CTNNA3: variants seen among roughly 807,000 people sequenced by gnomAD.
CTNNA3 encodes catenin alpha 3, also known as catenin alpha-3.
In CTNNA3, 76 loss-of-function variants were observed where a neutral mutation model predicts 95.7. The ratio of observed to expected loss-of-function variants is 0.79; its 90% CI spans 0.66 to 0.96. The LOEUF (loss-of-function observed/expected upper bound fraction) is 0.96. Ranked by LOEUF, CTNNA3 falls within the 40% of genes least tolerant of loss-of-function variation. The pLI is 0.00. For missense variants in CTNNA3, 1,191 were observed against 1,089.8 expected (o/e 1.09, Z -1.31); for synonymous variants, 431 against 374.4 (o/e 1.15, Z -1.74).
At chr10:66,537,321 A>C (rs941369589) in intron 10 of CTNNA3, among the ~76,000 whole-genome samples, 1 of 152,158 alleles carries the variant, frequency 6.6e-6, no homozygotes, top group African/African-American at 2.4e-5. Flanking sequence ...GTCAGAGGGC[A>C]TAGAGTTCAC....
intron 7 of CTNNA3, among the ~76,000 whole-genome samples, chr10:66,902,910 AG>A (rs139218326): frequency 0.3 from 44,932 of 152,090 alleles, 7,922 homozygotes; most frequent in East Asian, 0.47. Flanking sequence ...AAAAAAGTCC[AG>A]GACCAGACAG....
At chr10:66,552,255 C>G (rs536359344) in intron 10 of CTNNA3, among the ~76,000 whole-genome samples, 1 of 152,274 alleles carries the variant, frequency 6.6e-6, no homozygotes, top group South Asian at 2.1e-4. Context: ...TTTCCCCTCA[C>G]TCTCCAGCCT....
chr10:67,629,260 A>C (rs1839059507), intron 2 of CTNNA3, among the ~76,000 whole-genome samples: 1 of 152,112 alleles, frequency 6.6e-6, no homozygotes, highest in Non-Finnish European at 1.5e-5. Context: ...CCTTTTCTCA[A>C]TTGATTTTTC....
intron 7 of CTNNA3, among the ~76,000 whole-genome samples, chr10:66,866,155 A>T (rs1302607277): frequency 6.6e-6 from 1 of 152,172 alleles, no homozygotes; most frequent in Non-Finnish European, 1.5e-5. Context: ...TAGTTCAGTT[A>T]CTTCACATAG....
chr10:66,247,105 A>G (rs1012251169), intron 13 of CTNNA3, among the ~76,000 whole-genome samples: 4 of 151,934 alleles, frequency 2.6e-5, no homozygotes, highest in Non-Finnish European at 5.9e-5. Flanking sequence ...TTGAAAATAC[A>G]CAACCAGAGG....
At chr10:66,717,276 A>G (rs1848482971) in intron 9 of CTNNA3, among the ~76,000 whole-genome samples, 1 of 152,170 alleles carries the variant, frequency 6.6e-6, no homozygotes, top group South Asian at 2.1e-4. Flanking sequence ...ACACAGGTAA[A>G]TAATTCCATC....
intron 5 of CTNNA3, among the ~76,000 whole-genome samples, chr10:67,475,137 C>G (rs777948414): frequency 1.3e-5 from 2 of 152,114 alleles, no homozygotes; most frequent in African/African-American, 4.8e-5. Context: ...GAATCCTAAA[C>G]GCATTATGCT....
chr10:67,194,566 G>A (rs558274258), intron 6 of CTNNA3, among the ~76,000 whole-genome samples: 1 of 151,118 alleles, frequency 6.6e-6, no homozygotes, highest in South Asian at 2.1e-4. Context: ...TTAGCAAGGA[G>A]GGATGGAGGA....
chr10:67,504,451 A>AAAC (rs1839366712), intron 5 of CTNNA3, among the ~76,000 whole-genome samples: 1 of 143,532 alleles, frequency 7.0e-6, no homozygotes, highest in Non-Finnish European at 1.5e-5. Flanking sequence ...AAAAAAAAAA[A>AAAC]AAAAAAAAAC....
chr10:67,487,817 C>T (rs1848499831), intron 5 of CTNNA3, among the ~76,000 whole-genome samples: 1 of 152,156 alleles, frequency 6.6e-6, no homozygotes, highest in Non-Finnish European at 1.5e-5. Flanking sequence ...GTGGTGACTG[C>T]CAGCTTCTCT....
chr10:66,896,078 C>T (rs979305425), intron 7 of CTNNA3, among the ~76,000 whole-genome samples: 12 of 151,906 alleles, frequency 7.9e-5, no homozygotes, highest in Admixed American at 2.6e-4. Context: ...GCCTGGGCAA[C>T]AAGAGTTAAA....
At chr10:66,162,864 C>T (rs1048226650) in intron 13 of CTNNA3, among the ~76,000 whole-genome samples, 8 of 151,124 alleles carry the variant, frequency 5.3e-5, no homozygotes, top group Middle Eastern at 3.4e-3. Flanking sequence ...AGCTCATACT[C>T]TCCTTGGGCG....
intron 7 of CTNNA3, among the ~76,000 whole-genome samples, chr10:66,917,289 G>A (rs1846540636): frequency 6.6e-6 from 1 of 152,118 alleles, no homozygotes. Context: ...GGCACATGGG[G>A]GCTCTGCTGT....
intron 7 of CTNNA3, chr10:67,097,711 T>A (rs1858094415): frequency 6.2e-7 from 1 of 1,612,586 alleles, no homozygotes; most frequent in Admixed American, 1.7e-5. Flanking sequence ...GAAGATACGA[T>A]GGAAACACAC....
Position 66,983,045 on chromosome 10 carries a change from C to T in CTNNA3, c.1047+197272G>A, listed in dbSNP as rs76518968. On this transcript the variant is annotated intron_variant, in intron 7 of 17. Coordinates refer to ENST00000433211, the MANE Select transcript of CTNNA3 (RefSeq NM_013266.4). ...GGCAGGTTGCTGAGAGCAGCGACTG[C>T]CGAACTTCCTGGTCAAGCAGGGGTT... Among the ~76,000 whole-genome samples, 575 of 152,304 alleles carry T rather than the reference C, an allele frequency of 3.8e-3. 29 individuals carry two copies. In the East Asian group the frequency reaches 0.091, roughly 24 times the overall value.
In CTNNA3 at chr10:67,740,311, A is replaced by C. The variant is rs185853514; in HGVS notation, c.-2+23123T>G. On this transcript the variant is annotated intron_variant, in intron 1 of 17. Transcript: ENST00000684154. ...ACAAAAGCCAAAATTGACAAATGGG[A>C]TCTAATTAAACTCAAGAGCTTCTGC... Among the ~76,000 whole-genome samples the C allele has an allele frequency of 7.2e-3, 1,092 of 152,190 alleles. 16 individuals carry two copies. The highest frequency in any genetic ancestry group is 0.025 in the African/African-American group (1,041 of 41,538).
At chr10:67,317,727 A>T (rs1841119642) in intron 5 of CTNNA3, among the ~76,000 whole-genome samples, 1 of 151,948 alleles carries the variant, frequency 6.6e-6, no homozygotes, top group African/African-American at 2.4e-5. Context: ...CCTGGCCATC[A>T]TCGGGGGTTT....
intron 2 of CTNNA3, among the ~76,000 whole-genome samples, chr10:67,614,310 G>A (rs1462303354): frequency 6.6e-6 from 1 of 152,162 alleles, no homozygotes; most frequent in African/African-American, 2.4e-5. Context: ...TCACCTCTCA[G>A]TTTCAGGATG....
chr10:67,045,930 C>G (rs1008958492), intron 7 of CTNNA3, among the ~76,000 whole-genome samples: 6 of 152,184 alleles, frequency 3.9e-5, no homozygotes, highest in African/African-American at 1.4e-4. Context: ...ACAAGAACTT[C>G]TCGAGTAGGT....
Sources: gnomAD v4.1 joint callset for allele counts (sites outside exome capture counted in the v4.1 genomes callset) on GRCh38, gnomAD v4.1.1 for gene constraint, MANE v1.5 for transcripts, NCBI Gene and HGNC (gene_info 2026-07-23, HGNC 2026-07-21) for gene names.